The following ACOX3 variants were observed in gnomAD, a reference collection of about 807,000 sequenced individuals.
ACOX3 encodes acyl-CoA oxidase 3, pristanoyl, also known as peroxisomal acyl-coenzyme A oxidase 3.
ACOX3 carries 73 observed loss-of-function variants against 81.5 expected under a neutral mutation model. The observed-to-expected ratio is 0.90, with a 90% CI of 0.74 to 1.09. The LOEUF (loss-of-function observed/expected upper bound fraction) is 1.09. ACOX3 is among the 50% of genes least tolerant of loss of function. ACOX3 has a pLI of 0.00. For synonymous variants in ACOX3, 387 were observed against 375.1 expected (o/e 1.03, Z -0.37); for missense variants, 947 against 928.0 (o/e 1.02, Z -0.27).
chr4:8,424,938 T>C (rs978889386), intron 1 of ACOX3, among the ~76,000 whole-genome samples: 1 of 152,204 alleles, frequency 6.6e-6, no homozygotes, highest in Non-Finnish European at 1.5e-5. Context: ...CTCCAGGAAC[T>C]AGCGCTCAGC....
At chr4:8,404,226 C>A (rs1720676628) in intron 7 of ACOX3, among the ~76,000 whole-genome samples, 1 of 152,208 alleles carries the variant, frequency 6.6e-6, no homozygotes, top group African/African-American at 2.4e-5. Context: ...GCTACACGGG[C>A]ACCGTCCATG....
At position 8,370,944 on chromosome 4, in the gene ACOX3, A is replaced by C; in HGVS notation, c.1947T>G (p.Phe649Leu). 1 of 1,614,036 alleles carries C rather than the reference A, an allele frequency of 6.2e-7. No individual in the cohort carries two copies. Among genetic ancestry groups the C allele is most frequent in the Non-Finnish European group, 8.5e-7 (1 of 1,180,014 alleles). Residue 649 changes from phenylalanine (F) to leucine (L), a missense_variant, in exon 17 of 18, where the codon TTT (phenylalanine) becomes TTG (leucine). Transcript: ENST00000356406. The surrounding 1 kb of genome is among the most constrained non-coding windows in gnomAD (Gnocchi z 6.3). ...CTCTGCCAATCGGTGAGTCCAGAAC[A>C]AAGTCAGGAGGAGCGATCACGTCTA... ...ALVDVIAPPDFVLDSPIGRAD... is the reference protein window; with the variant it reads ...ALVDVIAPPDLVLDSPIGRAD...
intron 14 of ACOX3, among the ~76,000 whole-genome samples, chr4:8,376,131 A>C (rs1171552627): frequency 6.6e-6 from 1 of 152,194 alleles, no homozygotes; most frequent in African/African-American, 2.4e-5. Context: ...CGTTCCCACC[A>C]ACCGTGTATC....
At chr4:8,401,519 CAGCTCTCCTGGGCTGATTTCCTGCAGCA>C (rs1292267398) in intron 7 of ACOX3, among the ~76,000 whole-genome samples, 1 of 152,180 alleles carries the variant, frequency 6.6e-6, no homozygotes, top group African/African-American at 2.4e-5. Flanking sequence ...CATCCCTACT[CAGCTCTCCTGGGCTGATTTCCTGCAGCA>C]ACCATATTGG....
intron 11 of ACOX3, among the ~76,000 whole-genome samples, chr4:8,391,019 A>ATGTATG (rs1234631850): frequency 1.6e-5 from 2 of 124,288 alleles, no homozygotes; most frequent in Non-Finnish European, 3.5e-5. Context: ...GTATGTGTAT[A>ATGTATG]TGTATATGTA....
rs1232537747 is a variant in ACOX3, at chr4:8,405,350, A to G, written c.776+605T>C. On this transcript the variant is annotated intron_variant, in intron 7 of 17. Transcript: ENST00000356406. The surrounding 1 kb of genome is among the most constrained non-coding windows in gnomAD (Gnocchi z 7.1). The stretch of plus-strand genomic sequence containing the variant: ...CCAGGCCTCCATGTGGCCATCAAGC[A>G]TTCATTAGTCTTTCTAGGCCCCTCC... Among the ~76,000 whole-genome samples, 1 of 152,190 alleles carries G rather than the reference A, an allele frequency of 6.6e-6. No homozygotes were observed. The highest frequency in any genetic ancestry group is 2.4e-5 in the African/African-American group (1 of 41,462).
At chr4:8,360,470 G>GA in the ACOX3 span, among the ~76,000 whole-genome samples, 1 of 107,970 alleles carries the variant, frequency 9.3e-6, no homozygotes, top group African/African-American at 4.0e-5. Context: ...CTGCTTCTTT[G>GA]ACTTTTTTTT....
At chr4:8,435,984 C>T (rs1057487145) in intron 1 of ACOX3, among the ~76,000 whole-genome samples, 1 of 152,134 alleles carries the variant, frequency 6.6e-6, no homozygotes, top group Non-Finnish European at 1.5e-5. Context: ...GTCAAGTGGG[C>T]CCTCTCAGAT....
chr4:8,392,482 G>T (rs763504296), intron 10 of ACOX3, 29 bp from the exon 11 acceptor site: 1 of 1,513,212 alleles, frequency 6.6e-7, no homozygotes, highest in Non-Finnish European at 8.8e-7. Flanking sequence ...AACAAGAACA[G>T]GTGAAAAGAG....
At position 8,389,065 on chromosome 4, in the gene ACOX3, TG is replaced by T. The variant is rs1049463170; in HGVS notation, c.1537+107del. The T allele has an allele frequency of 5.8e-6, 5 of 855,914 alleles. No individual in the cohort carries two copies. The African/African-American group carries it at 8.4e-5, about 14-fold the overall frequency. The allele number at this position is 855,914 out of a possible 1,614,324, so 53.0% of individuals were successfully genotyped here. On this transcript the variant is annotated intron_variant, in intron 13 of 17. Transcript: ENST00000356406. The surrounding 1 kb of genome is among the most constrained non-coding windows in gnomAD (Gnocchi z 5.3). ...ATGCGGGGCCTCCCACCACCACTGC[TG>T]CCCCGGCTGGAACTGCCAAGGGTCC...
At chr4:8,434,767 A>G (rs894275390) in intron 1 of ACOX3, among the ~76,000 whole-genome samples, 2 of 152,208 alleles carry the variant, frequency 1.3e-5, no homozygotes, top group Admixed American at 6.5e-5. Context: ...AATGCTTGAT[A>G]CTTTGGTTTT....
At chr4:8,396,839 T>A in intron 9 of ACOX3, 98 bp downstream of exon 9, 1 of 1,422,878 alleles carries the variant, frequency 7.0e-7, no homozygotes, top group East Asian at 2.4e-5. Context: ...CCTTAAGAGC[T>A]TTGATCAACT....
chr4:8,370,979 C>A lies in ACOX3; in HGVS notation c.1912G>T (p.Val638Phe). The change falls in exon 17 of 18, where the codon GTT (valine) becomes TTT (phenylalanine). Residue 638 changes from valine (V) to phenylalanine (F), a missense_variant. By Grantham distance (50) the Val-to-Phe change is conservative (BLOSUM62 -1). Coordinates refer to ENST00000356406, the MANE Select transcript of ACOX3 (RefSeq NM_003501.3). This position sits in a 1 kb window ranked among gnomAD's most constrained non-coding sequence, Gnocchi z 6.3. ...ALCSQLKDDAVALVDVIAPPD... is the reference protein window; with the variant it reads ...ALCSQLKDDAFALVDVIAPPD... ...GGAGCGATCACGTCTACCAGGGCAA[C>A]TGCATCGTCTTTCAGCTGTTGGAAA... 1 of 1,614,114 alleles carries A rather than the reference C, an allele frequency of 6.2e-7. No individual in the cohort carries two copies. Among genetic ancestry groups the A allele is most frequent in the Non-Finnish European group, 8.5e-7 (1 of 1,180,018 alleles).
At position 8,381,966 on chromosome 4, in the gene ACOX3, G is replaced by C. The variant is rs149706675; in HGVS notation, c.1538-359C>G. 1.3e-5 allele frequency among the ~76,000 whole-genome samples: 2 copies of C among 152,374 alleles called. No homozygotes were observed. The highest frequency in any genetic ancestry group is 2.4e-5 in the African/African-American group (1 of 41,596). On this transcript the variant is annotated intron_variant, in intron 13 of 17. Coordinates refer to ENST00000356406, the MANE Select transcript of ACOX3 (RefSeq NM_003501.3). This position sits in a 1 kb window ranked among gnomAD's most constrained non-coding sequence, Gnocchi z 4.3. ...ACCAGGCTCGGTCTGTGTGAAGCGT[G>C]GTGCTGCCTCCACAGCATCAGCCAG...
At chr4:8,436,581 G>T (rs1724248459) in intron 1 of ACOX3, among the ~76,000 whole-genome samples, 1 of 152,092 alleles carries the variant, frequency 6.6e-6, no homozygotes, top group African/African-American at 2.4e-5. Flanking sequence ...AGGCTAAGAG[G>T]TAGTAGAAAA....
the ACOX3 span, chr4:8,357,040 G>C: frequency 7.7e-5 from 35 of 456,064 alleles, no homozygotes; most frequent in South Asian, 4.6e-4. Flanking sequence ...ATCCCGGCAG[G>C]TGAGAGGAAG....
chr4:8,397,918 T>C (rs545022133), intron 8 of ACOX3, among the ~76,000 whole-genome samples: 50 of 152,356 alleles, frequency 3.3e-4, no homozygotes, highest in African/African-American at 1.1e-3. Flanking sequence ...CCCAATGCTT[T>C]GGGAGGCTGA....
downstream of ACOX3, among the ~76,000 whole-genome samples, chr4:8,363,150 A>C (rs111736250): frequency 3.3e-5 from 5 of 152,354 alleles, no homozygotes; most frequent in African/African-American, 1.2e-4. Context: ...GGGATGGATA[A>C]TGTAAACATC....
At chr4:8,365,119 C>T (rs1715338024), downstream of ACOX3, among the ~76,000 whole-genome samples, 2 of 152,246 alleles carry the variant, frequency 1.3e-5, no homozygotes, top group African/African-American at 4.8e-5. Flanking sequence ...CACGCAGGCC[C>T]AACTGCTCTT....
Sources: gnomAD v4.1 joint callset for allele counts (sites outside exome capture counted in the v4.1 genomes callset) on GRCh38, gnomAD v4.1.1 for gene constraint, Gnocchi (gnomAD v3.1) non-coding constraint, MANE v1.5 for transcripts, NCBI Gene and HGNC (gene_info 2026-07-23, HGNC 2026-07-21) for gene names.